The following UROS variants were observed in gnomAD, a reference collection of about 807,000 sequenced individuals.
UROS encodes the protein uroporphyrinogen III synthase.
UROS carries 18 observed loss-of-function variants against 33.0 expected under a neutral mutation model. The ratio of observed to expected loss-of-function variants is 0.55; its 90% CI spans 0.38 to 0.81. The LOEUF is 0.81. Ranked by LOEUF, UROS falls within the 30% of genes least tolerant of loss-of-function variation. UROS has a pLI of 0.00. For missense variants in UROS, 293 were observed against 314.9 expected (o/e 0.93, Z 0.53); for synonymous variants, 114 against 121.1 (o/e 0.94, Z 0.38).
intron 6 of UROS, among the ~76,000 whole-genome samples, chr10:125,804,042 C>T (rs1852096006): frequency 6.6e-6 from 1 of 152,202 alleles, no homozygotes; most frequent in South Asian, 2.1e-4. Flanking sequence ...CTTGGAACTT[C>T]CCATTAGAGG....
intron 7 of UROS, among the ~76,000 whole-genome samples, chr10:125,797,187 G>T (rs1851437710): frequency 6.6e-6 from 1 of 152,140 alleles, no homozygotes; most frequent in South Asian, 2.1e-4. Context: ...AAGTTACAAG[G>T]TCTAAGGTCA....
chr10:125,798,156 A>G lies in UROS; in HGVS notation c.395-11T>C. ...GTGCTGAGGACTCCCCTGTGAATAA[A>G]TAACCAGGCTTTGTGAAAACTCAGG... is the stretch of plus-strand genomic sequence containing the variant. On this transcript the variant is annotated splice_polypyrimidine_tract_variant and intron_variant, in intron 6 of 9. Transcript: ENST00000368797. 1 of 1,613,586 alleles carries G rather than the reference A, an allele frequency of 6.2e-7. No homozygotes were observed. The highest frequency in any genetic ancestry group is 8.5e-7 in the Non-Finnish European group (1 of 1,179,548).
intron 5 of UROS, among the ~76,000 whole-genome samples, chr10:125,811,088 T>C (rs566542530): frequency 3.5e-4 from 54 of 152,330 alleles, no homozygotes; most frequent in Non-Finnish European, 5.4e-4. Context: ...TCATCATTCA[T>C]TGTATCACCA....
At chr10:125,819,357 T>C (rs2133968362) in intron 1 of UROS, among the ~76,000 whole-genome samples, 1 of 152,300 alleles carries the variant, frequency 6.6e-6, no homozygotes, top group South Asian at 2.1e-4. Flanking sequence ...ATGCCCCCAG[T>C]TGAATTTTCT....
intron 6 of UROS, among the ~76,000 whole-genome samples, chr10:125,801,231 G>A (rs1851818801): frequency 6.6e-6 from 1 of 152,148 alleles, no homozygotes; most frequent in African/African-American, 2.4e-5. Flanking sequence ...CAATCCAGGA[G>A]GACATTTCAA....
At chr10:125,822,702 C>G (rs1448508378) in intron 1 of UROS, among the ~76,000 whole-genome samples, 3 of 152,208 alleles carry the variant, frequency 2.0e-5, no homozygotes, top group Non-Finnish European at 4.4e-5. Context: ...TGGTGATCCA[C>G]CCGCTTTGAC....
At chr10:125,806,559 T>C (rs1852353734) in intron 6 of UROS, among the ~76,000 whole-genome samples, 1 of 152,232 alleles carries the variant, frequency 6.6e-6, no homozygotes, top group South Asian at 2.1e-4. Flanking sequence ...TTGCAGAGAT[T>C]AGTAGTTCTG....
downstream of UROS, among the ~76,000 whole-genome samples, chr10:125,786,404 A>C (rs1248417469): frequency 6.6e-6 from 1 of 151,780 alleles, no homozygotes; most frequent in Admixed American, 6.6e-5. Flanking sequence ...CAGCCTCCCA[A>C]GTAGCTGGGA....
At position 125,802,360 on chromosome 10, in the gene UROS, G is replaced by A. The variant is rs1851912330; in HGVS notation, c.395-4215C>T. On this transcript the variant is annotated intron_variant, in intron 6 of 9. Transcript: ENST00000368797. ...TTCCCTGCAGCTATTTCAACACCTG[G>A]CTGAATAAAAGAGAGTCACTGCCTG... is the stretch of plus-strand genomic sequence containing the variant. 5.1e-6 allele frequency: 5 copies of A among 985,742 alleles called. No individual in the cohort carries two copies. In the South Asian group the frequency reaches 1.9e-4, roughly 37 times the overall value. The allele number at this position is 985,742 out of a possible 1,614,324, so 61.1% of individuals were successfully genotyped here.
intron 5 of UROS, among the ~76,000 whole-genome samples, chr10:125,811,813 A>AAG (rs1055021813): frequency 4.6e-5 from 7 of 152,166 alleles, no homozygotes; most frequent in African/African-American, 1.7e-4. Flanking sequence ...ACCAAAAAAA[A>AAG]ACAACTATGA....
chr10:125,810,680 AC>A (rs1407034554), intron 5 of UROS, among the ~76,000 whole-genome samples: 5 of 152,222 alleles, frequency 3.3e-5, no homozygotes, highest in Admixed American at 3.3e-4. Context: ...ACTTCTGATA[AC>A]TCTCCAGGCT....
At chr10:125,797,513 GACTA>G (rs1157596551) in intron 7 of UROS, among the ~76,000 whole-genome samples, 15 of 152,318 alleles carry the variant, frequency 9.8e-5, no homozygotes, top group African/African-American at 3.6e-4. Context: ...TTTGCTCCCA[GACTA>G]ACTATGTGAC....
At chr10:125,789,866 C>A (rs1564770162) in intron 9 of UROS, among the ~76,000 whole-genome samples, 2 of 152,220 alleles carry the variant, frequency 1.3e-5, no homozygotes, top group Admixed American at 6.5e-5. Context: ...GGCACAGTTA[C>A]CCTGGCCTCA....
intron 8 of UROS, 155 bp from the exon 9 acceptor site, chr10:125,795,133 C>T (rs1851249701): frequency 5.7e-6 from 4 of 705,828 alleles, no homozygotes; most frequent in Non-Finnish European, 1.0e-5. Flanking sequence ...TCCTCTGCTC[C>T]AGTGAGGCAG....
chr10:125,794,505 C>A, intron 9 of UROS: 1 of 377,776 alleles, frequency 2.6e-6, no homozygotes, highest in Non-Finnish European at 4.1e-6. Context: ...TTAGAATAGA[C>A]AATAATGGCA....
At chr10:125,791,982 C>T (rs1367538230) in intron 9 of UROS, 3 of 151,868 alleles carry the variant, frequency 2.0e-5, no homozygotes, top group Non-Finnish European at 4.4e-5. Flanking sequence ...ACCTGTAATC[C>T]CTACATTTTG....
rs1399379756 is a variant in UROS, at chr10:125,816,550, CTTAA to C, written c.-26-29_-26-26del. 3 of 1,611,216 alleles carry C rather than the reference CTTAA, an allele frequency of 1.9e-6. No individual in the cohort carries two copies. In the African/African-American group the frequency reaches 4.0e-5, roughly 22 times the overall value. The stretch of plus-strand genomic sequence containing the variant: ...ACTGCGACAGAGCAAGGAAACAGAT[CTTAA>C]TTAGATCTCAAAGACTCTTCCTAAG... On this transcript the variant is annotated intron_variant, in intron 1 of 9. Transcript: ENST00000368797.
At chr10:125,821,998 G>A (rs1323980672) in intron 1 of UROS, among the ~76,000 whole-genome samples, 1 of 152,198 alleles carries the variant, frequency 6.6e-6, no homozygotes, top group African/African-American at 2.4e-5. Flanking sequence ...TCGTACTGAT[G>A]AAGGATCACT....
At chr10:125,804,969 T>A (rs1000284045) in intron 6 of UROS, among the ~76,000 whole-genome samples, 1 of 152,242 alleles carries the variant, frequency 6.6e-6, no homozygotes, top group African/African-American at 2.4e-5. Context: ...CAGGTGCTCC[T>A]GGGTAAACAT....
Sources: gnomAD v4.1 joint callset for allele counts (sites outside exome capture counted in the v4.1 genomes callset) on GRCh38, gnomAD v4.1.1 for gene constraint, MANE v1.5 for transcripts, NCBI Gene and HGNC (gene_info 2026-07-23, HGNC 2026-07-21) for gene names.